Variants in MSRA observed in about 807,000 individuals in gnomAD.
The protein encoded by MSRA is mitochondrial peptide methionine sulfoxide reductase.
Under a neutral mutation model 31.3 loss-of-function variants are expected in MSRA, and 54 were observed. That is an observed-to-expected ratio of 1.73 (90% confidence interval 1.39 to 2.17). The LOEUF (loss-of-function observed/expected upper bound fraction) is 2.17. Ranked by LOEUF, MSRA falls within the 30% of genes most tolerant of loss-of-function variation. The pLI, the probability that MSRA is intolerant of heterozygous loss-of-function variation, is 0.00. For missense variants in MSRA, 507 were observed against 300.9 expected, an observed-to-expected ratio of 1.69 and a Z score of -5.07; for synonymous variants, 169 against 116.5, an observed-to-expected ratio of 1.45 and a Z score of -2.90.
chr8:10,147,659 C>G (rs1026938297), intron 1 of MSRA, among the ~76,000 whole-genome samples: 6 of 152,174 alleles, frequency 3.9e-5, no homozygotes, highest in African/African-American at 7.2e-5. Context: ...ATGCCTGGCA[C>G]TGCTCTTGGC....
chr8:10,218,013 G>T (rs1810151157), intron 2 of MSRA, among the ~76,000 whole-genome samples: 1 of 151,590 alleles, frequency 6.6e-6, no homozygotes, highest in African/African-American at 2.4e-5. Flanking sequence ...ATGTTCATTT[G>T]TCCTCTTGTA....
At chr8:10,090,728 T>C (rs1047890263) in intron 1 of MSRA, among the ~76,000 whole-genome samples, 1 of 152,222 alleles carries the variant, frequency 6.6e-6, no homozygotes, top group Non-Finnish European at 1.5e-5. Context: ...CAATAAGCTA[T>C]GTTCTGTGTC....
chr8:10,428,210 C>T lies in MSRA; in HGVS notation c.606C>T (p.Tyr202=), dbSNP rs763140045. Residue 202 remains tyrosine (Y), a synonymous_variant, in exon 6 of 6, where the codon TAC becomes TAT. Coordinates refer to ENST00000317173, the MANE Select transcript of MSRA (RefSeq NM_012331.5). ...ACATCCGGGAGGGACAGACTTTCTA[C>T]TATGCGGAAGACTACCACCAGCAGT... ...TTDIREGQTF[Y]YAEDYHQQYL... 6.2e-7 allele frequency: 1 copy of T among 1,614,188 alleles called. No individual in the cohort carries two copies. Among genetic ancestry groups the T allele is most frequent in the Non-Finnish European group, 8.5e-7 (1 of 1,180,032 alleles).
At position 10,242,039 on chromosome 8, in the gene MSRA, A is replaced by AG. The variant is rs527288578; in HGVS notation, c.212-3059dup. On this transcript the variant is annotated intron_variant, in intron 2 of 5. Coordinates refer to ENST00000317173, the MANE Select transcript of MSRA (RefSeq NM_012331.5). ...GTAATCCCAGCACTTTGGGAGGCGG[A>AG]GGGGGGCAGATCACCTGAGGTCAGG... Among the ~76,000 whole-genome samples the AG allele has an allele frequency of 7.6e-3, 1,160 of 152,298 alleles. 16 individuals carry two copies. The highest frequency in any genetic ancestry group is 0.027 in the African/African-American group (1,112 of 41,560).
chr8:10,155,821 T>C (rs1159305893), intron 1 of MSRA, among the ~76,000 whole-genome samples: 1 of 152,136 alleles, frequency 6.6e-6, no homozygotes, highest in Non-Finnish European at 1.5e-5. Flanking sequence ...AGCTCTGCTT[T>C]ATAGGAACAT....
chr8:10,364,167 C>G (rs997915661), intron 5 of MSRA, among the ~76,000 whole-genome samples: 2 of 152,198 alleles, frequency 1.3e-5, no homozygotes, highest in South Asian at 2.1e-4. Context: ...GCTGCTTGTT[C>G]TGGCCAGAAC....
chr8:10,142,424 T>G (rs1424114316), intron 1 of MSRA, among the ~76,000 whole-genome samples: 1 of 152,242 alleles, frequency 6.6e-6, no homozygotes, highest in African/African-American at 2.4e-5. Context: ...CTTCTGCTTC[T>G]AAATCCGTGT....
At chr8:10,151,709 T>A (rs375537602) in intron 1 of MSRA, among the ~76,000 whole-genome samples, 11 of 152,020 alleles carry the variant, frequency 7.2e-5, no homozygotes, top group Non-Finnish European at 1.5e-4. Context: ...AGTGCTTGGG[T>A]TGGGTCAAGG....
At chr8:10,088,403 T>C (rs1230657681) in intron 1 of MSRA, among the ~76,000 whole-genome samples, 2 of 152,336 alleles carry the variant, frequency 1.3e-5, no homozygotes, top group Middle Eastern at 3.4e-3. Context: ...TGCAGCATTA[T>C]TGACAATAGC....
At chr8:10,139,159 A>G (rs929933034) in intron 1 of MSRA, among the ~76,000 whole-genome samples, 1 of 152,174 alleles carries the variant, frequency 6.6e-6, no homozygotes, top group South Asian at 2.1e-4. Context: ...ATGTTTTGTG[A>G]ATTTTTCACT....
chr8:10,146,298 T>G (rs908770372), intron 1 of MSRA, among the ~76,000 whole-genome samples: 4 of 152,130 alleles, frequency 2.6e-5, no homozygotes, highest in Admixed American at 1.3e-4. Context: ...GAGGTTGTAT[T>G]TGAAGTGTAC....
intron 5 of MSRA, among the ~76,000 whole-genome samples, chr8:10,374,595 C>T (rs1236732368): frequency 6.6e-6 from 1 of 152,202 alleles, no homozygotes; most frequent in Non-Finnish European, 1.5e-5. Flanking sequence ...CCCTGTGTCC[C>T]ACTCTATATT....
At chr8:10,263,870 G>A (rs949504548) in intron 3 of MSRA, among the ~76,000 whole-genome samples, 1 of 152,162 alleles carries the variant, frequency 6.6e-6, no homozygotes, top group Non-Finnish European at 1.5e-5. Flanking sequence ...TATAGATACA[G>A]AACACATTAC....
intron 5 of MSRA, among the ~76,000 whole-genome samples, chr8:10,324,136 G>A (rs769772898): frequency 6.6e-6 from 1 of 152,206 alleles, no homozygotes; most frequent in Non-Finnish European, 1.5e-5. Context: ...GCACTGTCCA[G>A]TGGAGGGCCT....
intron 5 of MSRA, among the ~76,000 whole-genome samples, chr8:10,343,305 G>C (rs1296226258): frequency 6.6e-6 from 1 of 152,180 alleles, no homozygotes; most frequent in African/African-American, 2.4e-5. Flanking sequence ...GCTAAGATCG[G>C]ATGTAATTAG....
At chr8:10,173,011 G>A (rs2129047077) in intron 1 of MSRA, among the ~76,000 whole-genome samples, 1 of 152,336 alleles carries the variant, frequency 6.6e-6, no homozygotes, top group East Asian at 1.9e-4. Flanking sequence ...GGATAGGGAA[G>A]AAGAATATTC....
chr8:10,197,304 A>G (rs1808076984), intron 1 of MSRA, among the ~76,000 whole-genome samples: 1 of 152,200 alleles, frequency 6.6e-6, no homozygotes. Context: ...GGCAATTAAT[A>G]AAAGTATTAC....
intron 2 of MSRA, among the ~76,000 whole-genome samples, chr8:10,230,722 TAGTC>T (rs1050015813): frequency 7.9e-5 from 12 of 152,230 alleles, no homozygotes; most frequent in East Asian, 1.9e-4. Flanking sequence ...CCTGTAATCT[TAGTC>T]AGTAAGATTC....
chr8:10,380,670 G>A (rs1585632469), intron 5 of MSRA, among the ~76,000 whole-genome samples: 2 of 152,266 alleles, frequency 1.3e-5, no homozygotes, highest in African/African-American at 2.4e-5. Flanking sequence ...TAGTATGCTT[G>A]GCGCACAATA....
Sources: gnomAD v4.1 joint callset for allele counts (sites outside exome capture counted in the v4.1 genomes callset) on GRCh38, gnomAD v4.1.1 for gene constraint, MANE v1.5 for transcripts, NCBI Gene and HGNC (gene_info 2026-07-23, HGNC 2026-07-21) for gene names.